The following CADPS2 variants were observed in gnomAD, a reference collection of about 807,000 sequenced individuals.
The protein encoded by CADPS2 is calcium-dependent secretion activator 2.
Under a neutral mutation model 172.5 loss-of-function variants are expected in CADPS2, and 93 were observed. That is an observed-to-expected ratio of 0.54 (90% CI 0.46 to 0.64). CADPS2 has a LOEUF of 0.64. Ranked by LOEUF, CADPS2 falls within the 30% of genes least tolerant of loss-of-function variation. The pLI, the probability that CADPS2 is intolerant of heterozygous loss-of-function variation, is 0.00. For synonymous variants in CADPS2, 546 were observed against 555.2 expected (o/e 0.98, Z 0.23); for missense variants, 1,420 against 1,565.9 (o/e 0.91, Z 1.57).
chr7:122,442,841 T>A (rs375436996), intron 15 of CADPS2, among the ~76,000 whole-genome samples: 1 of 152,162 alleles, frequency 6.6e-6, no homozygotes, highest in African/African-American at 2.4e-5. Context: ...AAAATGTCCT[T>A]TCTTAATCTT....
At chr7:122,721,736 A>C (rs552286686) in intron 2 of CADPS2, among the ~76,000 whole-genome samples, 165 of 152,234 alleles carry the variant, frequency 1.1e-3, no homozygotes, top group African/African-American at 3.8e-3. Flanking sequence ...GACACAACAA[A>C]AAAAAAGAGA....
chr7:122,875,281 C>G (rs1820913727), intron 1 of CADPS2, among the ~76,000 whole-genome samples: 1 of 152,088 alleles, frequency 6.6e-6, no homozygotes, highest in Non-Finnish European at 1.5e-5. Context: ...TAAATCTGAA[C>G]AAAGTAGAAT....
At chr7:122,484,765 G>C (rs947564997) in intron 11 of CADPS2, among the ~76,000 whole-genome samples, 1 of 151,290 alleles carries the variant, frequency 6.6e-6, no homozygotes, top group East Asian at 1.9e-4. Context: ...CAAACATCTT[G>C]TATCCAGAAC....
At chr7:122,809,335 C>T (rs570087620) in intron 1 of CADPS2, among the ~76,000 whole-genome samples, 15 of 150,980 alleles carry the variant, frequency 9.9e-5, no homozygotes, top group South Asian at 8.4e-4. Flanking sequence ...TTTGGGAGGC[C>T]GAGGCGGGTG....
intron 2 of CADPS2, among the ~76,000 whole-genome samples, chr7:122,730,920 GC>G (rs1198974425): frequency 6.6e-6 from 1 of 151,280 alleles, no homozygotes; most frequent in Non-Finnish European, 1.5e-5. Flanking sequence ...GCAAAAAAAG[GC>G]CAGAATTAGA....
Position 122,407,574 on chromosome 7 carries a change from A to T in CADPS2, c.2712T>A (p.Leu904=). Residue 904 remains leucine (L), a synonymous_variant, in exon 20 of 30, where the codon CTT becomes CTA. Transcript: ENST00000449022. ...QPQDSWDSFP[L]FQLLNNFLRN... is the part of the protein sequence containing the mutation. ...GGAGGAAATTATTAAGCAGTTGGAA[A>T]AGAGGAAAACTATCCCAGGAGTCTT... 6.2e-7 allele frequency: 1 copy of T among 1,612,414 alleles called. No individual in the cohort carries two copies. The highest frequency in any genetic ancestry group is 2.2e-5 in the East Asian group (1 of 44,860).
chr7:122,474,280 T>A, intron 13 of CADPS2, 101 bp downstream of exon 13: 2 of 1,249,924 alleles, frequency 1.6e-6, no homozygotes, highest in Non-Finnish European at 2.2e-6. Flanking sequence ...TGCTGGTTTA[T>A]AACAAGTATT....
intron 3 of CADPS2, among the ~76,000 whole-genome samples, chr7:122,632,395 C>A (rs2076661228): frequency 6.6e-6 from 1 of 152,260 alleles, no homozygotes; most frequent in East Asian, 1.9e-4. Flanking sequence ...TGATAATAGC[C>A]ATTCTGACTG....
intron 25 of CADPS2, among the ~76,000 whole-genome samples, chr7:122,375,250 T>C (rs1217637196): frequency 6.6e-6 from 1 of 152,002 alleles, no homozygotes; most frequent in Non-Finnish European, 1.5e-5. Flanking sequence ...ACCAAAACAA[T>C]TCCGAGCAAA....
intron 2 of CADPS2, among the ~76,000 whole-genome samples, chr7:122,722,452 A>G (rs948056932): frequency 1.1e-4 from 17 of 151,606 alleles, no homozygotes; most frequent in African/African-American, 4.1e-4. Context: ...ATTGCTTCAA[A>G]GAGAATAAAA....
intron 1 of CADPS2, among the ~76,000 whole-genome samples, chr7:122,873,352 G>A (rs1453491697): frequency 6.6e-6 from 1 of 152,112 alleles, no homozygotes; most frequent in Non-Finnish European, 1.5e-5. Flanking sequence ...CCTGGTGTGT[G>A]ATGTTTCCCT....
chr7:122,331,529 C>T (rs1000696328), intron 28 of CADPS2, among the ~76,000 whole-genome samples: 1 of 152,236 alleles, frequency 6.6e-6, no homozygotes, highest in African/African-American at 2.4e-5. Flanking sequence ...ATCCCAGCTA[C>T]TTGGGAAGCT....
At chr7:122,783,381 C>T (rs1793257920) in intron 1 of CADPS2, among the ~76,000 whole-genome samples, 1 of 151,762 alleles carries the variant, frequency 6.6e-6, no homozygotes, top group South Asian at 2.1e-4. Context: ...TTTCTTGTTC[C>T]TTTTCCTTAT....
intron 1 of CADPS2, among the ~76,000 whole-genome samples, chr7:122,813,482 G>T (rs906022448): frequency 6.6e-6 from 1 of 152,004 alleles, no homozygotes; most frequent in African/African-American, 2.4e-5. Context: ...ACCATCAACG[G>T]AGTGTTTATA....
chr7:122,591,423 A>G (rs2070782976), intron 6 of CADPS2, among the ~76,000 whole-genome samples: 2 of 152,148 alleles, frequency 1.3e-5, no homozygotes. Context: ...AAGGTAATTT[A>G]TAGATTCAAT....
chr7:122,579,222 C>T (rs1225137808), intron 7 of CADPS2, among the ~76,000 whole-genome samples: 2 of 151,780 alleles, frequency 1.3e-5, no homozygotes, highest in Non-Finnish European at 2.9e-5. Flanking sequence ...CACTACCCTC[C>T]AGGAGACATT....
In CADPS2 at chr7:122,886,421, G is replaced by A; in HGVS notation, c.-84C>T. The A allele has an allele frequency of 7.1e-7, 1 of 1,414,508 alleles. No homozygotes were observed. Among genetic ancestry groups the A allele is most frequent in the Non-Finnish European group, 9.1e-7 (1 of 1,097,084 alleles). 87.6% of individuals were successfully genotyped at this position (1,414,508 alleles called of 1,614,324 possible). ...CTGCGCCCGCGGGTCTGAGGGAGCCGCGGGGCTGGCTGCAGCGGCCGCAGA... is the reference window on the plus strand; with the variant it reads ...CTGCGCCCGCGGGTCTGAGGGAGCCACGGGGCTGGCTGCAGCGGCCGCAGA... On this transcript the variant is annotated 5_prime_UTR_variant, in exon 1 of 30. Transcript: ENST00000449022.
intron 17 of CADPS2, among the ~76,000 whole-genome samples, chr7:122,428,498 G>C (rs1055465625): frequency 2.2e-5 from 3 of 138,944 alleles, no homozygotes; most frequent in African/African-American, 8.1e-5. Flanking sequence ...ACGGAGTTTT[G>C]CTGTTGTTGC....
chr7:122,627,710 T>G (rs1417097958), intron 4 of CADPS2, among the ~76,000 whole-genome samples: 1 of 152,302 alleles, frequency 6.6e-6, no homozygotes, highest in African/African-American at 2.4e-5. Context: ...AGGTACAATC[T>G]ATATACAAGT....
Sources: gnomAD v4.1 joint callset for allele counts (sites outside exome capture counted in the v4.1 genomes callset) on GRCh38, gnomAD v4.1.1 for gene constraint, MANE v1.5 for transcripts, NCBI Gene and HGNC (gene_info 2026-07-23, HGNC 2026-07-21) for gene names.